The following ZNF91 variants were observed in gnomAD, a reference collection of about 807,000 sequenced individuals.
ZNF91 encodes zinc finger protein 91.
ZNF91 carries 7 observed loss-of-function variants against 12.6 expected under a neutral mutation model. The ratio of observed to expected loss-of-function variants is 0.55; its 90% CI spans 0.31 to 1.04. The LOEUF (loss-of-function observed/expected upper bound fraction) is 1.04. ZNF91 is among the 50% of genes least tolerant of loss of function. The pLI, the probability that ZNF91 is intolerant of heterozygous loss-of-function variation, is 0.05. For synonymous variants in ZNF91, 453 were observed against 462.6 expected, an observed-to-expected ratio of 0.98 and a Z score of 0.27; for missense variants, 1,217 against 1,385.4, an observed-to-expected ratio of 0.88 and a Z score of 1.93.
intron 1 of ZNF91, among the ~76,000 whole-genome samples, chr19:23,329,566 C>A (rs1217072240): frequency 6.6e-6 from 1 of 152,170 alleles, no homozygotes; most frequent in Non-Finnish European, 1.5e-5. Flanking sequence ...ATGCTAAGAT[C>A]TTCACTAGCT....
Position 23,358,904 on chromosome 19 carries a change from G to A in ZNF91, c.*499C>T. On this transcript the variant is annotated 3_prime_UTR_variant, in exon 4 of 4. Transcript: ENST00000300619. ...GTATGAATAATATTATGTCTGTTAA[G>A]AATTCAGGACTTTTTATAGACTTTA... 4.6e-6 allele frequency: 1 copy of A among 219,642 alleles called. No homozygotes were observed. Among genetic ancestry groups the A allele is most frequent in the Non-Finnish European group, 9.6e-6 (1 of 103,760 alleles). The allele number at this position is 219,642 out of a possible 1,614,324, so 13.6% of individuals were successfully genotyped here. A position where few individuals can be genotyped will look rare whatever the true frequency, so the allele number is the denominator to read the frequency against.
At chr19:23,352,377 G>A (rs1036805302) in intron 3 of ZNF91, among the ~76,000 whole-genome samples, 4 of 152,052 alleles carry the variant, frequency 2.6e-5, no homozygotes, top group Non-Finnish European at 4.4e-5. Context: ...CATAGCAGCC[G>A]CAGCAAGACC....
At chr19:23,323,748 CTTTT>C (rs369846360) in intron 1 of ZNF91, among the ~76,000 whole-genome samples, 27,918 of 144,758 alleles carry the variant, frequency 0.19, 2,830 homozygotes, top group African/African-American at 0.22. Context: ...CTCCTCTCCT[CTTTT>C]TCTCATTCTT....
intron 1 of ZNF91, among the ~76,000 whole-genome samples, chr19:23,393,795 T>C (rs957104541): frequency 4.6e-5 from 7 of 151,888 alleles, no homozygotes; most frequent in Non-Finnish European, 1.0e-4. Flanking sequence ...AGGCCAGGAG[T>C]TCGAGACCAG....
At chr19:23,314,903 G>A (rs745807177), upstream of ZNF91, among the ~76,000 whole-genome samples, 4 of 152,170 alleles carry the variant, frequency 2.6e-5, no homozygotes, top group Non-Finnish European at 4.4e-5. Flanking sequence ...TGCAAAATAT[G>A]CAGCACCTAT....
intron 3 of ZNF91, among the ~76,000 whole-genome samples, chr19:23,364,585 T>C (rs971913927): frequency 1.3e-5 from 1 of 76,818 alleles, no homozygotes; most frequent in East Asian, 5.1e-4. Flanking sequence ...TAAATTTTGT[T>C]TTTTTTTTGA....
chr19:23,375,892 G>C (rs1224703551), intron 1 of ZNF91, among the ~76,000 whole-genome samples: 2 of 152,166 alleles, frequency 1.3e-5, no homozygotes, highest in Non-Finnish European at 2.9e-5. Context: ...ATAGTATGCT[G>C]ATGCACCATA....
chr19:23,324,286 TCTC>T (rs1222087345), intron 1 of ZNF91: 3 of 151,358 alleles, frequency 2.0e-5, no homozygotes, highest in African/African-American at 7.3e-5. Context: ...ACTATCTTCT[TCTC>T]ATTTTCTCTT....
chr19:23,375,567 TCACTAGTAA>T (rs1363845569), intron 1 of ZNF91, among the ~76,000 whole-genome samples: 4 of 152,206 alleles, frequency 2.6e-5, no homozygotes, highest in African/African-American at 9.6e-5. Context: ...TCTAAAAAGT[TCACTAGTAA>T]TGCCAATGTT....
rs1407434167 is a variant in ZNF91 at position 23,339,466 on chromosome 19, T to C, written c.254-412A>G. ...TCTACTCACAGCATTAGAGAGACCA[T>C]TGAGATAGGAAATCTGGCAAATCAA... is the stretch of plus-strand genomic sequence containing the variant. On this transcript the variant is annotated intron_variant, in intron 3 of 3. Transcript: ENST00000599743. 4.6e-5 allele frequency: 7 copies of C among 152,226 alleles called. No individual in the cohort carries two copies. In the South Asian group the frequency reaches 6.2e-4, roughly 14 times the overall value. 9.4% of individuals were successfully genotyped at this position (152,226 alleles called of 1,614,324 possible). A position where few individuals can be genotyped will look rare whatever the true frequency, so the allele number is the denominator to read the frequency against.
At chr19:23,393,534 A>T (rs555121688) in intron 1 of ZNF91, among the ~76,000 whole-genome samples, 9 of 152,300 alleles carry the variant, frequency 5.9e-5, no homozygotes, top group Middle Eastern at 3.4e-3. Context: ...GGAAAACCTG[A>T]CCCAAAAACA....
chr19:23,374,773 C>G lies in ZNF91; in HGVS notation c.31-9G>C. 1 of 1,606,778 alleles carries G rather than the reference C, an allele frequency of 6.2e-7. No individual in the cohort carries two copies. Among genetic ancestry groups the G allele is most frequent in the Non-Finnish European group, 8.5e-7 (1 of 1,176,212 alleles). ...CTAAATGTCAACAGTCCCTGAAAAA[C>G]ACACACAAACACACATATTTACAAA... On this transcript the variant is annotated splice_polypyrimidine_tract_variant and intron_variant, in intron 1 of 3. Coordinates refer to ENST00000300619, the MANE Select transcript of ZNF91 (RefSeq NM_003430.4).
chr19:23,357,350 G>A (rs1599715624), downstream of ZNF91, among the ~76,000 whole-genome samples: 1 of 152,198 alleles, frequency 6.6e-6, no homozygotes, highest in African/African-American at 2.4e-5. Context: ...TTTGCATGGG[G>A]AGACTCTGAA....
At chr19:23,367,447 A>G (rs1051172814) in intron 3 of ZNF91, among the ~76,000 whole-genome samples, 1 of 152,220 alleles carries the variant, frequency 6.6e-6, no homozygotes, top group African/African-American at 2.4e-5. Context: ...ATTTTTGCAC[A>G]GGAATAAAAA....
At chr19:23,321,832 C>A (rs1297430121) in intron 1 of ZNF91, among the ~76,000 whole-genome samples, 1 of 152,096 alleles carries the variant, frequency 6.6e-6, no homozygotes, top group African/African-American at 2.4e-5. Context: ...CTCTCCTCAC[C>A]CGCCTGGGCC....
chr19:23,380,105 A>T (rs1969648263), intron 1 of ZNF91, among the ~76,000 whole-genome samples: 1 of 151,704 alleles, frequency 6.6e-6, no homozygotes, highest in Non-Finnish European at 1.5e-5. Flanking sequence ...AAATAAAAAT[A>T]AAAAATTTGC....
intron 3 of ZNF91, among the ~76,000 whole-genome samples, chr19:23,368,380 C>T (rs1232159560): frequency 8.1e-6 from 1 of 123,892 alleles, no homozygotes; most frequent in Non-Finnish European, 2.0e-5. Flanking sequence ...CCAGGCGGGG[C>T]GGCACGTGCC....
In ZNF91 at chr19:23,395,305, G is replaced by A. The variant is rs772896587; in HGVS notation, c.30+20C>T. On this transcript the variant is annotated intron_variant, in intron 1 of 3. Transcript: ENST00000300619. The stretch of plus-strand genomic sequence containing the variant: ...CGAGCCCCGTTCCCTCTCTCGGGAC[G>A]TCGCACCTGGCAGTCTCACCATTTC... 6.2e-7 allele frequency: 1 copy of A among 1,612,650 alleles called. No individual in the cohort carries two copies. Among genetic ancestry groups the A allele is most frequent in the Non-Finnish European group, 8.5e-7 (1 of 1,179,444 alleles).
At chr19:23,355,928 G>A (rs2145037970), downstream of ZNF91, among the ~76,000 whole-genome samples, 1 of 152,178 alleles carries the variant, frequency 6.6e-6, no homozygotes, top group Non-Finnish European at 1.5e-5. Flanking sequence ...TCAAAGAAAT[G>A]CAAATCAAAC....
Sources: allele counts gnomAD v4.1 joint callset (sites outside exome capture counted in the v4.1 genomes callset), GRCh38; gene constraint gnomAD v4.1.1; transcripts MANE v1.5; gene names NCBI Gene and HGNC (gene_info 2026-07-23, HGNC 2026-07-21).